The following FAM83B variants were observed in gnomAD, a reference collection of about 807,000 sequenced individuals.
The protein encoded by FAM83B is protein FAM83B.
A neutral mutation model predicts 38.8 loss-of-function variants in FAM83B; 26 were observed. The ratio of observed to expected loss-of-function variants is 0.67; its 90% confidence interval spans 0.49 to 0.93. The LOEUF (loss-of-function observed/expected upper bound fraction) is 0.93, where lower values mean the gene tolerates loss of function less well. FAM83B is among the 40% of genes least tolerant of loss of function. FAM83B has a pLI of 0.00. For missense variants in FAM83B, 1,237 were observed against 1,197.3 expected (o/e 1.03, Z -0.49); for synonymous variants, 419 against 423.1 (o/e 0.99, Z 0.12).
At chr6:54,869,593 C>G (rs1190171189) in intron 1 of FAM83B, among the ~76,000 whole-genome samples, 1 of 152,004 alleles carries the variant, frequency 6.6e-6, no homozygotes, top group African/African-American at 2.4e-5. Context: ...TTTCTTCTTG[C>G]CACCTGATCA....
chr6:54,874,006 A>G (rs1320632523), intron 2 of FAM83B, among the ~76,000 whole-genome samples: 2 of 152,056 alleles, frequency 1.3e-5, no homozygotes, highest in Non-Finnish European at 1.5e-5. Context: ...TCTCTTATGA[A>G]AGGAATTAAA....
chr6:54,870,814 A>C, intron 2 of FAM83B, 124 bp downstream of exon 2: 1 of 935,862 alleles, frequency 1.1e-6, no homozygotes, highest in Non-Finnish European at 1.5e-6. Context: ...TATTGTTTTT[A>C]GGAAAGTACC....
chr6:54,876,226 C>T (rs1020424629), intron 2 of FAM83B, among the ~76,000 whole-genome samples: 2 of 145,984 alleles, frequency 1.4e-5, no homozygotes, highest in Admixed American at 1.4e-4. Flanking sequence ...TAACCAATAC[C>T]TCTATTAATA....
chr6:54,862,487 G>T (rs1170965098), intron 1 of FAM83B, among the ~76,000 whole-genome samples: 1 of 152,204 alleles, frequency 6.6e-6, no homozygotes, highest in Admixed American at 6.5e-5. Context: ...TACCCAGGAT[G>T]TGACTTTCAG....
chr6:54,849,502 T>C (rs954965988), intron 1 of FAM83B, among the ~76,000 whole-genome samples: 1 of 143,076 alleles, frequency 7.0e-6, no homozygotes, highest in African/African-American at 2.6e-5. Context: ...GGGGCTAACA[T>C]GTACAGAAGG....
At chr6:54,856,542 T>C (rs1771450938) in intron 1 of FAM83B, among the ~76,000 whole-genome samples, 1 of 152,214 alleles carries the variant, frequency 6.6e-6, no homozygotes, top group African/African-American at 2.4e-5. Flanking sequence ...AATCTGTCTA[T>C]ATAAATCCAG....
In FAM83B at chr6:54,944,550, T is replaced by C. The variant is rs1371323294; in HGVS notation, c.*2543T>C. The C allele has an allele frequency of 6.6e-6, 1 of 152,210 alleles. No homozygotes were observed. The highest frequency in any genetic ancestry group is 1.5e-5 in the Non-Finnish European group (1 of 68,042). The allele number at this position is 152,210 out of a possible 1,614,324, so 9.4% of individuals were successfully genotyped here. On this transcript the variant is annotated 3_prime_UTR_variant, in exon 5 of 5. Transcript: ENST00000306858. Reference sequence around the variant, plus strand: ...CATGGTGTGTTCAGGTATGGGTATATGTTGTCAGTCTACACTTGTGGAAGC... The same window carrying C: ...CATGGTGTGTTCAGGTATGGGTATACGTTGTCAGTCTACACTTGTGGAAGC...
intron 2 of FAM83B, among the ~76,000 whole-genome samples, chr6:54,902,134 G>C (rs1177433662): frequency 2.6e-5 from 4 of 152,132 alleles, no homozygotes; most frequent in African/African-American, 9.7e-5. Context: ...TATTTTTAAA[G>C]ATAGCAGAGC....
intron 1 of FAM83B, among the ~76,000 whole-genome samples, chr6:54,852,857 A>G (rs1771340417): frequency 6.6e-6 from 1 of 152,230 alleles, no homozygotes; most frequent in Non-Finnish European, 1.5e-5. Flanking sequence ...CCTGCAGGCC[A>G]TATATAGCCC....
chr6:54,912,387 A>G (rs1299477159), intron 2 of FAM83B, among the ~76,000 whole-genome samples: 1 of 151,178 alleles, frequency 6.6e-6, no homozygotes, highest in African/African-American at 2.4e-5. Flanking sequence ...GAATTCATAA[A>G]GGAAGTGAAT....
At chr6:54,901,065 G>A (rs1444088522) in intron 2 of FAM83B, among the ~76,000 whole-genome samples, 1 of 152,208 alleles carries the variant, frequency 6.6e-6, no homozygotes, top group African/African-American at 2.4e-5. Context: ...TATTATCCAT[G>A]TGTGGAAAGA....
chr6:54,937,192 T>C (rs1479871807), intron 4 of FAM83B, among the ~76,000 whole-genome samples: 2 of 151,810 alleles, frequency 1.3e-5, no homozygotes, highest in East Asian at 3.9e-4. Context: ...ACTTTATGCA[T>C]AGCATAATAG....
intron 1 of FAM83B, among the ~76,000 whole-genome samples, chr6:54,849,930 A>G (rs947828136): frequency 4.6e-5 from 7 of 151,984 alleles, no homozygotes; most frequent in Admixed American, 6.6e-5. Flanking sequence ...TTTATAGAGA[A>G]GTTATGCAGT....
At position 54,926,378 on chromosome 6, in the gene FAM83B, C is replaced by T. The variant is rs1163630354; in HGVS notation, c.452C>T (p.Ala151Val). 1.2e-5 allele frequency: 19 copies of T among 1,583,508 alleles called. No homozygotes were observed. Among genetic ancestry groups the T allele is most frequent in the Non-Finnish European group, 1.6e-5 (19 of 1,161,658 alleles). The change falls in exon 3 of 5, where the codon GCT (alanine) becomes GTT (valine). Residue 151 changes from alanine to valine, a missense_variant. By Grantham distance (64) the Ala-to-Val change is moderately conservative. Coordinates refer to ENST00000306858, the MANE Select transcript of FAM83B (RefSeq NM_001010872.3). ...TATTCTTATATTTAACAGGTCATTG[C>T]TTTAGTGATGGATATATTTACAGAT... ...KMIKEARKVI[A>V]LVMDIFTDVD...
Position 54,927,728 on chromosome 6 carries a change from TAA to T in FAM83B, c.734+121_734+122del, listed in dbSNP as rs1049777485. 539 of 99,134 alleles carry T rather than the reference TAA, an allele frequency of 5.4e-3. 1 individual carries two copies. The highest frequency in any genetic ancestry group is 8.4e-3 in the South Asian group (22 of 2,616). The allele number at this position is 99,134 out of a possible 1,614,324, so 6.1% of individuals were successfully genotyped here. On this transcript the variant is annotated intron_variant, in intron 4 of 4. Transcript: ENST00000306858. ...AATCAGTTAAGCTTTTTCTTAAAAG[TAA>T]AAAAAAAAAAAAAAAAAAAAAAAAG...
chr6:54,903,961 C>A (rs1772720215), intron 2 of FAM83B, among the ~76,000 whole-genome samples: 1 of 151,638 alleles, frequency 6.6e-6, no homozygotes, highest in Non-Finnish European at 1.5e-5. Context: ...TCATGGCAAC[C>A]CTTATCCATT....
At chr6:54,909,389 C>T (rs889178300) in intron 2 of FAM83B, among the ~76,000 whole-genome samples, 7 of 152,170 alleles carry the variant, frequency 4.6e-5, no homozygotes, top group East Asian at 3.9e-4. Context: ...AAAGTAATTG[C>T]GGTTCTTGCC....
At chr6:54,864,866 TCAATTAC>T (rs1396127328) in intron 1 of FAM83B, among the ~76,000 whole-genome samples, 7 of 152,212 alleles carry the variant, frequency 4.6e-5, no homozygotes, top group Admixed American at 1.3e-4. Context: ...TATCATAAAG[TCAATTAC>T]CAAAAGAAAT....
rs1773753485 is a variant in FAM83B, at chr6:54,943,863, C to G, written c.*1856C>G. On this transcript the variant is annotated 3_prime_UTR_variant, in exon 5 of 5. Coordinates refer to ENST00000306858, the MANE Select transcript of FAM83B (RefSeq NM_001010872.3). Reference sequence around the variant, plus strand: ...GAAGTTTAATCATGTTTAATTACAACCAAAAGCCTGTTGCCTTTTTGTACA... The same window carrying G: ...GAAGTTTAATCATGTTTAATTACAAGCAAAAGCCTGTTGCCTTTTTGTACA... 2 of 152,162 alleles carry G rather than the reference C, an allele frequency of 1.3e-5. No individual in the cohort carries two copies. The highest frequency in any genetic ancestry group is 1.5e-5 in the Non-Finnish European group (1 of 68,018). The allele number at this position is 152,162 out of a possible 1,614,324, so 9.4% of individuals were successfully genotyped here.
Sources: gnomAD v4.1 joint callset for allele counts (sites outside exome capture counted in the v4.1 genomes callset) on GRCh38, gnomAD v4.1.1 for gene constraint, MANE v1.5 for transcripts, NCBI Gene and HGNC (gene_info 2026-07-23, HGNC 2026-07-21) for gene names.